IL1R2: variants seen among roughly 807,000 people sequenced by gnomAD.
IL1R2 encodes the protein interleukin-1 receptor type 2.
Under a neutral mutation model 39.5 loss-of-function variants are expected in IL1R2, and 46 were observed. The observed-to-expected ratio is 1.16, with a 90% confidence interval of 0.92 to 1.49. IL1R2 has a LOEUF of 1.49. Among genes scored for constraint, IL1R2 ranks in the 40% most tolerant of loss-of-function variants. The pLI, the probability that IL1R2 is intolerant of heterozygous loss-of-function variation, is 0.00. For missense variants in IL1R2, 537 were observed against 502.0 expected, an observed-to-expected ratio of 1.07 and a Z score of -0.67; for synonymous variants, 207 against 189.6, an observed-to-expected ratio of 1.09 and a Z score of -0.75.
Position 102,019,618 on chromosome 2 carries a change from A to T in IL1R2, c.514-20A>T. 1 of 1,582,832 alleles carries T rather than the reference A, an allele frequency of 6.3e-7. No homozygotes were observed. The highest frequency in any genetic ancestry group is 8.7e-7 in the Non-Finnish European group (1 of 1,155,382). On this transcript the variant is annotated intron_variant, in intron 4 of 8. Coordinates refer to ENST00000332549, the MANE Select transcript of IL1R2 (RefSeq NM_004633.4). ...TGTATATTGGTATAATGTCAACTTA[A>T]AAAAACATTTTCCCTTAAGGATTCT...
intron 1 of IL1R2, among the ~76,000 whole-genome samples, chr2:101,998,044 G>A (rs1461371627): frequency 6.6e-6 from 1 of 152,154 alleles, no homozygotes; most frequent in Non-Finnish European, 1.5e-5. Context: ...TGTAGTGGCA[G>A]AAGAATCCAG....
At chr2:102,019,547 A>C (rs1284101429) in intron 4 of IL1R2, 91 bp from the exon 5 acceptor site, 4 of 938,842 alleles carry the variant, frequency 4.3e-6, no homozygotes, top group Non-Finnish European at 6.4e-6. Flanking sequence ...TGGATTGCAA[A>C]TCCCACATTG....
chr2:102,009,124 A>G (rs1676458522), intron 2 of IL1R2, among the ~76,000 whole-genome samples: 1 of 152,152 alleles, frequency 6.6e-6, no homozygotes, highest in South Asian at 2.1e-4. Flanking sequence ...TGAAGAAGTG[A>G]CGTGTTTGCC....
intron 6 of IL1R2, chr2:102,023,321 C>A (rs1677514546): frequency 6.6e-6 from 1 of 152,294 alleles, no homozygotes; most frequent in Non-Finnish European, 1.5e-5. Context: ...CTAGGAACAA[C>A]CACCTGGAAA....
chr2:101,992,295 A>T (rs1280422799), intron 1 of IL1R2, among the ~76,000 whole-genome samples: 1 of 150,834 alleles, frequency 6.6e-6, no homozygotes, highest in Non-Finnish European at 1.5e-5. Context: ...AGAGACAGAG[A>T]CAGAGAGAGA....
chr2:102,016,959 T>C (rs1331480048), intron 4 of IL1R2, among the ~76,000 whole-genome samples: 1 of 152,222 alleles, frequency 6.6e-6, no homozygotes, highest in African/African-American at 2.4e-5. Flanking sequence ...TTATGTGGGT[T>C]GAGTAAAGGT....
chr2:102,014,555 C>A (rs1676871042), intron 3 of IL1R2, among the ~76,000 whole-genome samples: 1 of 152,138 alleles, frequency 6.6e-6, no homozygotes, highest in Non-Finnish European at 1.5e-5. Flanking sequence ...CCTTTTTAAG[C>A]TAAATATAAA....
Position 102,010,206 on chromosome 2 carries a change from G to A in IL1R2, c.332+380G>A, listed in dbSNP as rs372439501. On this transcript the variant is annotated intron_variant, in intron 3 of 8. Transcript: ENST00000332549. ...GTAAACTCTGCAAGGGCAGGGACTT[G>A]GTCTATGTTGTTCACTGTTGAAGCC... 1.4e-4 allele frequency: 29 copies of A among 206,378 alleles called. 1 individual carries two copies. In the East Asian group the frequency reaches 3.2e-3, roughly 23 times the overall value. 12.8% of individuals were successfully genotyped at this position (206,378 alleles called of 1,614,324 possible).
intron 3 of IL1R2, among the ~76,000 whole-genome samples, chr2:102,013,479 C>T (rs1396964259): frequency 2.4e-5 from 3 of 124,914 alleles, no homozygotes; most frequent in Non-Finnish European, 3.2e-5. Flanking sequence ...GCCTGGGCCT[C>T]CTTGCTTGGT....
At chr2:102,000,402 C>T (rs1410262124) in intron 1 of IL1R2, among the ~76,000 whole-genome samples, 7 of 152,198 alleles carry the variant, frequency 4.6e-5, no homozygotes, top group African/African-American at 1.7e-4. Context: ...GTACACTGTG[C>T]TCTTCTGTAT....
chr2:102,006,042 T>A (rs1421522487), intron 1 of IL1R2, among the ~76,000 whole-genome samples: 1 of 152,192 alleles, frequency 6.6e-6, no homozygotes, highest in Non-Finnish European at 1.5e-5. Flanking sequence ...TGTTCAATAT[T>A]TGGCACAATA....
intron 2 of IL1R2, 102 bp from the exon 3 acceptor site, chr2:102,009,460 G>T: frequency 7.5e-7 from 1 of 1,328,626 alleles, no homozygotes; most frequent in South Asian, 1.4e-5. Flanking sequence ...ATGTGCTCCA[G>T]GTTTCCCTGC....
chr2:102,026,397 C>T, intron 8 of IL1R2, 144 bp downstream of exon 8: 1 of 670,968 alleles, frequency 1.5e-6, no homozygotes, highest in Non-Finnish European at 2.4e-6. Flanking sequence ...AAAGAAACCT[C>T]CCATTTTTAA....
In IL1R2 at chr2:102,008,628, C is replaced by T. The variant is rs777194990; in HGVS notation, c.53C>T (p.Pro18Leu). Residue 18 changes from proline (P) to leucine (L), a missense_variant, in exon 2 of 9, where the codon CCT (proline) becomes CTT (leucine). Coordinates refer to ENST00000332549, the MANE Select transcript of IL1R2 (RefSeq NM_004633.4). Reference protein sequence around the residue: ...VMGVSAFTLQPAAHTGAARSC... With the variant: ...VMGVSAFTLQLAAHTGAARSC... ...GGAGTTTCTGCCTTCACCCTTCAGC[C>T]TGCGGCACACACAGGTTAGAAGTAA... The T allele has an allele frequency of 6.2e-7, 1 of 1,614,012 alleles. No individual in the cohort carries two copies.
chr2:102,028,235 C>T lies in IL1R2; in HGVS notation c.1040C>T (p.Thr347Met), dbSNP rs766020542. ...TCTGTTCTTCCCACAGCCTCCTCCA[C>T]GTTCTCCTGGGGCATTGTGCTGGCC... ...LRTTVKEASSTFSWGIVLAPL... is the reference protein window; with the variant it reads ...LRTTVKEASSMFSWGIVLAPL... The change falls in exon 9 of 9, where the codon ACG becomes ATG. Residue 347 changes from threonine to methionine, a missense_variant. By Grantham distance (81) the Thr-to-Met change is moderately conservative (BLOSUM62 -1). Transcript: ENST00000332549. 3.4e-5 allele frequency: 54 copies of T among 1,608,090 alleles called. 1 individual carries two copies. The highest frequency in any genetic ancestry group is 5.6e-5 in the South Asian group (5 of 89,650).
At chr2:102,014,765 AGC>A (rs1056102713) in intron 3 of IL1R2, among the ~76,000 whole-genome samples, 34 of 152,036 alleles carry the variant, frequency 2.2e-4, no homozygotes, top group African/African-American at 7.9e-4. Flanking sequence ...TGTTTTAGGT[AGC>A]CAGAAATTTA....
intron 8 of IL1R2, among the ~76,000 whole-genome samples, chr2:102,027,059 T>C (rs1677786616): frequency 6.6e-6 from 1 of 152,198 alleles, no homozygotes; most frequent in Non-Finnish European, 1.5e-5. Context: ...GGCACCCAAC[T>C]TTCCTCCAAC....
chr2:102,007,008 G>A (rs138839554), intron 1 of IL1R2, among the ~76,000 whole-genome samples: 93 of 152,304 alleles, frequency 6.1e-4, no homozygotes, highest in Non-Finnish European at 1.1e-3. Context: ...CCCATCTGCC[G>A]CTCAGAGCCA....
chr2:102,017,233 A>G (rs1397580542), intron 4 of IL1R2, among the ~76,000 whole-genome samples: 11 of 151,882 alleles, frequency 7.2e-5, no homozygotes, highest in Admixed American at 7.2e-4. Flanking sequence ...CCCCATCTCT[A>G]CTAAAAATAA....
Sources: gnomAD v4.1 joint callset for allele counts (sites outside exome capture counted in the v4.1 genomes callset) on GRCh38, gnomAD v4.1.1 for gene constraint, MANE v1.5 for transcripts, NCBI Gene and HGNC (gene_info 2026-07-23, HGNC 2026-07-21) for gene names.